Variants in EPHA3 observed in about 807,000 individuals in gnomAD.
The protein encoded by EPHA3 is EPH receptor A3.
A neutral mutation model predicts 107.1 loss-of-function variants in EPHA3; 42 were observed. The ratio of observed to expected loss-of-function variants is 0.39; its 90% CI spans 0.31 to 0.51. EPHA3 has a LOEUF of 0.51. Among genes scored for constraint, EPHA3 ranks in the 20% least tolerant of loss-of-function variants. The pLI, the probability that EPHA3 is intolerant of heterozygous loss-of-function variation, is 0.78. For synonymous variants in EPHA3, 461 were observed against 424.8 expected, an observed-to-expected ratio of 1.09 and a Z score of -1.05; for missense variants, 1,183 against 1,211.2, an observed-to-expected ratio of 0.98 and a Z score of 0.35.
At chr3:89,197,171 T>G (rs1385050369) in intron 2 of EPHA3, among the ~76,000 whole-genome samples, 2 of 152,190 alleles carry the variant, frequency 1.3e-5, no homozygotes, top group East Asian at 3.9e-4. Context: ...CAACTACTTC[T>G]CTGATGTAAT....
intron 2 of EPHA3, among the ~76,000 whole-genome samples, chr3:89,169,998 C>G (rs961810725): frequency 6.6e-6 from 1 of 152,056 alleles, no homozygotes; most frequent in Admixed American, 6.6e-5. Flanking sequence ...CCTGTAATCC[C>G]AGCACTTTGG....
At chr3:89,321,639 G>A (rs751994376) in intron 3 of EPHA3, among the ~76,000 whole-genome samples, 19 of 152,066 alleles carry the variant, frequency 1.2e-4, no homozygotes, top group Non-Finnish European at 2.6e-4. Context: ...ACTGAAAGGA[G>A]CATGGCAGAG....
chr3:89,340,883 C>G (rs1317748209), intron 3 of EPHA3, 33 bp from the exon 4 acceptor site: 2 of 1,529,492 alleles, frequency 1.3e-6, no homozygotes, highest in Non-Finnish European at 1.8e-6. Flanking sequence ...AAAATTATCA[C>G]AGACTTTTAA....
At chr3:89,312,547 T>C (rs1389172620) in intron 3 of EPHA3, among the ~76,000 whole-genome samples, 2 of 151,872 alleles carry the variant, frequency 1.3e-5, no homozygotes, top group South Asian at 2.1e-4. Flanking sequence ...TCTTATTATA[T>C]TGATATTTTC....
At chr3:89,302,364 A>T (rs937870820) in intron 3 of EPHA3, among the ~76,000 whole-genome samples, 1 of 152,044 alleles carries the variant, frequency 6.6e-6, no homozygotes, top group Non-Finnish European at 1.5e-5. Flanking sequence ...GTCTGTCTTT[A>T]TACTTTATTC....
At chr3:89,124,816 CTGAA>C (rs1244985830) in intron 1 of EPHA3, among the ~76,000 whole-genome samples, 1 of 151,858 alleles carries the variant, frequency 6.6e-6, no homozygotes, top group Non-Finnish European at 1.5e-5. Context: ...CTCATTTATG[CTGAA>C]TAGAGTGCAC....
intron 2 of EPHA3, among the ~76,000 whole-genome samples, chr3:89,174,451 TTAG>T (rs1183546549): frequency 6.6e-6 from 1 of 152,022 alleles, no homozygotes; most frequent in African/African-American, 2.4e-5. Context: ...TTATTATCTG[TTAG>T]TAGATTGGGT....
At chr3:89,397,345 A>G (rs900715219) in intron 6 of EPHA3, among the ~76,000 whole-genome samples, 6 of 152,208 alleles carry the variant, frequency 3.9e-5, no homozygotes, top group Non-Finnish European at 8.8e-5. Flanking sequence ...AAGTGTGACA[A>G]GATAGAATGG....
intron 3 of EPHA3, among the ~76,000 whole-genome samples, chr3:89,226,273 A>G (rs1481212375): frequency 1.3e-5 from 2 of 152,102 alleles, no homozygotes; most frequent in Non-Finnish European, 2.9e-5. Flanking sequence ...TAACAATAGC[A>G]TCTCCTTAGT....
intron 5 of EPHA3, among the ~76,000 whole-genome samples, chr3:89,388,087 T>C (rs1708657689): frequency 6.6e-6 from 1 of 152,244 alleles, no homozygotes; most frequent in Non-Finnish European, 1.5e-5. Context: ...TTCTTTTTAC[T>C]ATAGAAATTG....
At chr3:89,158,175 A>T (rs1015135879) in intron 2 of EPHA3, among the ~76,000 whole-genome samples, 1 of 152,170 alleles carries the variant, frequency 6.6e-6, no homozygotes, top group Non-Finnish European at 1.5e-5. Flanking sequence ...TAAGTAAATT[A>T]TCCAAGGTTG....
intron 2 of EPHA3, among the ~76,000 whole-genome samples, chr3:89,206,737 A>C (rs1706116695): frequency 6.6e-6 from 1 of 152,158 alleles, no homozygotes; most frequent in South Asian, 2.1e-4. Context: ...AACCCTAAGA[A>C]CTGAGACGCT....
intron 11 of EPHA3, among the ~76,000 whole-genome samples, chr3:89,424,536 G>T (rs559362822): frequency 2.1e-3 from 315 of 148,272 alleles, no homozygotes; most frequent in Non-Finnish European, 2.5e-3. Context: ...CTTTTTTTTT[G>T]ACTTTTACAA....
intron 15 of EPHA3, among the ~76,000 whole-genome samples, chr3:89,468,901 A>T (rs1171853129): frequency 3.3e-5 from 5 of 152,226 alleles, no homozygotes; most frequent in Non-Finnish European, 5.9e-5. Flanking sequence ...CAAAATTTTC[A>T]ATTATAAAAA....
Position 89,431,003 on chromosome 3 carries a change from G to T in EPHA3, c.2137-147G>T. 5 of 679,744 alleles carry T rather than the reference G, an allele frequency of 7.4e-6. 1 individual carries two copies. In the South Asian group the frequency reaches 8.1e-5, roughly 11 times the overall value. The allele number at this position is 679,744 out of a possible 1,614,324, so 42.1% of individuals were successfully genotyped here. On this transcript the variant is annotated intron_variant, in intron 12 of 16. Coordinates refer to ENST00000336596, the MANE Select transcript of EPHA3 (RefSeq NM_005233.6). ...TTTTGTTTCAGCCTTGTATCCATTTGCCACATATCTTTGTCTTGAGTGCTT... is the reference window on the plus strand; with the variant it reads ...TTTTGTTTCAGCCTTGTATCCATTTTCCACATATCTTTGTCTTGAGTGCTT...
intron 3 of EPHA3, among the ~76,000 whole-genome samples, chr3:89,225,044 T>C (rs750013524): frequency 6.6e-6 from 1 of 152,106 alleles, no homozygotes; most frequent in African/African-American, 2.4e-5. Flanking sequence ...ACTTTAAGGA[T>C]GTAAAAATGT....
intron 2 of EPHA3, among the ~76,000 whole-genome samples, chr3:89,160,548 T>TG (rs1553707124): frequency 3.0e-3 from 364 of 120,528 alleles, no homozygotes; most frequent in African/African-American, 4.9e-3. Context: ...ATATTAGATT[T>TG]TGTGTGTGTG....
In EPHA3 at chr3:89,214,751, T is replaced by C. The variant is rs538040682; in HGVS notation, c.814+4231T>C. On this transcript the variant is annotated intron_variant, in intron 3 of 16. Coordinates refer to ENST00000336596, the MANE Select transcript of EPHA3 (RefSeq NM_005233.6). The stretch of plus-strand genomic sequence containing the variant: ...ATTGGACTCAGTCTCTTTTTTTTCA[T>C]AGTATGAATCTTCCCACTGATTTTT... Among the ~76,000 whole-genome samples, 10 of 152,036 alleles carry C rather than the reference T, an allele frequency of 6.6e-5. No individual in the cohort carries two copies. The South Asian group carries it at 8.3e-4, about 13-fold the overall frequency.
intron 5 of EPHA3, among the ~76,000 whole-genome samples, chr3:89,389,992 CT>C (rs917987654): frequency 6.6e-6 from 1 of 151,668 alleles, no homozygotes; most frequent in Non-Finnish European, 1.5e-5. Flanking sequence ...CAATTATTAA[CT>C]TTTTTTAAAT....
Sources: gnomAD v4.1 joint callset for allele counts (sites outside exome capture counted in the v4.1 genomes callset) on GRCh38, gnomAD v4.1.1 for gene constraint, MANE v1.5 for transcripts, NCBI Gene and HGNC (gene_info 2026-07-23, HGNC 2026-07-21) for gene names.